The following VPS54 variants were observed in gnomAD, a reference collection of about 807,000 sequenced individuals.
The protein encoded by VPS54 is vacuolar protein sorting-associated protein 54.
VPS54 carries 45 observed loss-of-function variants against 121.5 expected under a neutral mutation model. The observed-to-expected ratio is 0.37, with a 90% CI of 0.29 to 0.47. The LOEUF (loss-of-function observed/expected upper bound fraction) is 0.47, where lower values mean the gene tolerates loss of function less well. Ranked by LOEUF, VPS54 falls within the 20% of genes least tolerant of loss-of-function variation. VPS54 has a pLI of 0.99. For missense variants in VPS54, 1,090 were observed against 1,131.4 expected (o/e 0.96, Z 0.52); for synonymous variants, 371 against 385.8 (o/e 0.96, Z 0.45).
intron 1 of VPS54, among the ~76,000 whole-genome samples, chr2:63,989,039 G>A (rs1259160001): frequency 6.6e-6 from 1 of 152,186 alleles, no homozygotes; most frequent in Non-Finnish European, 1.5e-5. Flanking sequence ...CTCTGGGAGT[G>A]TCTGCCTTAC....
chr2:63,912,341 T>G lies in VPS54; in HGVS notation c.2625+4A>C. On this transcript the variant is annotated splice_donor_region_variant and intron_variant, in intron 20 of 22. Transcript: ENST00000272322. ...AAAGTCTAATAATTTCTATAAATCA[T>G]TACCTTAGATAACAGCTTGTCAAAT... 1 of 1,601,186 alleles carries G rather than the reference T, an allele frequency of 6.2e-7. No individual in the cohort carries two copies. Among genetic ancestry groups the G allele is most frequent in the South Asian group, 1.1e-5 (1 of 89,508 alleles).
At chr2:63,911,572 T>C (rs13410365) in intron 20 of VPS54, among the ~76,000 whole-genome samples, 4 of 152,218 alleles carry the variant, frequency 2.6e-5, no homozygotes, top group Non-Finnish European at 4.4e-5. Context: ...TGAAGGCTAA[T>C]AGAATATGTG....
intron 22 of VPS54, 35 bp downstream of exon 22, chr2:63,897,461 A>C (rs1474736660): frequency 5.2e-6 from 7 of 1,345,658 alleles, no homozygotes; most frequent in Non-Finnish European, 7.3e-6. Context: ...ACAATTCGAT[A>C]TGGGAGTATA....
chr2:63,929,498 TG>T (rs1674080519), intron 12 of VPS54, among the ~76,000 whole-genome samples: 1 of 152,184 alleles, frequency 6.6e-6, no homozygotes, highest in Non-Finnish European at 1.5e-5. Context: ...CCAGAATCTC[TG>T]GGACACATTT....
At chr2:63,958,817 A>C (rs1353021954) in intron 7 of VPS54, among the ~76,000 whole-genome samples, 1 of 152,236 alleles carries the variant, frequency 6.6e-6, no homozygotes, top group Non-Finnish European at 1.5e-5. Flanking sequence ...TTAACAAATA[A>C]ATTTAAAAGA....
chr2:63,909,413 C>CTTTTTTTTTTTTTTTTTTTTTTTTTT lies in VPS54; in HGVS notation c.2625+2906_2625+2931dup, dbSNP rs5831673. 2.9e-5 allele frequency among the ~76,000 whole-genome samples: 2 copies of CTTTTTTTTTTTTTTTTTTTTTTTTTT among 69,922 alleles called. 1 individual carries two copies. The highest frequency in any genetic ancestry group is 5.2e-5 in the Non-Finnish European group (2 of 38,700). The allele number at this position is 69,922 out of a possible 152,430, so 45.9% of individuals were successfully genotyped here. On this transcript the variant is annotated intron_variant, in intron 20 of 22. Transcript: ENST00000272322. Reference sequence around the variant, plus strand: ...AATGGTACCCTTACTTATTAGCTGCCTTTTTTTTTTTTTTTTTTTTTTTTT... The same window carrying CTTTTTTTTTTTTTTTTTTTTTTTTTT: ...AATGGTACCCTTACTTATTAGCTGCCTTTTTTTTTTTTTTTTTTTTTTTTTTTTTTTTTTTTTTTTTTTTTTTTTTT...
At chr2:63,941,944 G>A (rs1674753168) in intron 11 of VPS54, among the ~76,000 whole-genome samples, 1 of 145,290 alleles carries the variant, frequency 6.9e-6, no homozygotes, top group Non-Finnish European at 1.5e-5. Flanking sequence ...TGAGGTAGAA[G>A]AATCACTTGA....
chr2:64,007,579 A>G (rs1290004295), intron 1 of VPS54, among the ~76,000 whole-genome samples: 2 of 152,246 alleles, frequency 1.3e-5, no homozygotes, highest in Non-Finnish European at 2.9e-5. Context: ...GAGAAAAAAT[A>G]TTCTTGTAGT....
chr2:63,995,571 A>G (rs375629444), intron 1 of VPS54, among the ~76,000 whole-genome samples: 1 of 152,234 alleles, frequency 6.6e-6, no homozygotes, highest in African/African-American at 2.4e-5. Flanking sequence ...GTCTATTCAA[A>G]CAGCTCATTT....
chr2:63,929,492 A>G (rs1674080073), intron 12 of VPS54, among the ~76,000 whole-genome samples: 1 of 152,242 alleles, frequency 6.6e-6, no homozygotes, highest in South Asian at 2.1e-4. Context: ...AACGTACCAG[A>G]ATCTCTGGGA....
chr2:63,978,282 C>T, intron 3 of VPS54, among the ~76,000 whole-genome samples: 1 of 152,258 alleles, frequency 6.6e-6, no homozygotes, highest in East Asian at 1.9e-4. Context: ...ACTTTAAATT[C>T]CCACCAGCGG....
intron 6 of VPS54, among the ~76,000 whole-genome samples, chr2:63,963,891 G>C (rs1312518983): frequency 6.6e-6 from 1 of 152,066 alleles, no homozygotes; most frequent in African/African-American, 2.4e-5. Context: ...CTGTTTAACA[G>C]GGCCATAATA....
At chr2:63,910,763 A>T (rs1234768498) in intron 20 of VPS54, among the ~76,000 whole-genome samples, 1 of 152,240 alleles carries the variant, frequency 6.6e-6, no homozygotes, top group Non-Finnish European at 1.5e-5. Context: ...AAGTTGTCAT[A>T]GGAAAAAGTC....
intron 2 of VPS54, 67 bp from the exon 3 acceptor site, chr2:63,981,954 C>G (rs1334525451): frequency 1.3e-6 from 2 of 1,487,436 alleles, no homozygotes; most frequent in African/African-American, 1.4e-5. Context: ...AAAGTACACA[C>G]TAGAAAACTA....
intron 12 of VPS54, among the ~76,000 whole-genome samples, chr2:63,928,365 T>C (rs1350089861): frequency 6.6e-6 from 1 of 151,832 alleles, no homozygotes; most frequent in Non-Finnish European, 1.5e-5. Flanking sequence ...GATTCAACAT[T>C]CTTAAAGAAT....
chr2:63,969,968 C>T (rs191056030), intron 4 of VPS54, among the ~76,000 whole-genome samples: 1 of 151,946 alleles, frequency 6.6e-6, no homozygotes, highest in Admixed American at 6.6e-5. Flanking sequence ...GGCTGAGATA[C>T]ACACTTATCT....
At chr2:64,007,389 G>A (rs558363249) in intron 1 of VPS54, among the ~76,000 whole-genome samples, 1 of 152,236 alleles carries the variant, frequency 6.6e-6, no homozygotes, top group African/African-American at 2.4e-5. Flanking sequence ...GAGTAGACGA[G>A]ATAAAAATTA....
chr2:63,979,980 A>G (rs992412049), intron 3 of VPS54, among the ~76,000 whole-genome samples: 1 of 152,198 alleles, frequency 6.6e-6, no homozygotes, highest in Non-Finnish European at 1.5e-5. Context: ...CTTTCAAGTC[A>G]GGCCAGGTTG....
chr2:63,972,272 A>G, intron 3 of VPS54, 28 bp from the exon 4 acceptor site: 1 of 1,503,604 alleles, frequency 6.7e-7, no homozygotes, highest in African/African-American at 1.4e-5. Context: ...AACATCATCA[A>G]TGTATGTGTA....
Sources: allele counts gnomAD v4.1 joint callset (sites outside exome capture counted in the v4.1 genomes callset), GRCh38; gene constraint gnomAD v4.1.1; transcripts MANE v1.5; gene names NCBI Gene and HGNC (gene_info 2026-07-23, HGNC 2026-07-21).